The following MARCOL variants were observed in gnomAD, a reference collection of about 807,000 sequenced individuals.
MARCOL encodes the protein MARCO-like protein.
At position 148,242,506 on chromosome 5, in the gene MARCOL, C is replaced by A. The variant is rs547749326; in HGVS notation, c.110C>A (p.Ala37Glu). 1 of 398,122 alleles carries A rather than the reference C, an allele frequency of 2.5e-6. No individual in the cohort carries two copies. Among genetic ancestry groups the A allele is most frequent in the Non-Finnish European group, 4.4e-6 (1 of 225,870 alleles). 24.7% of individuals were successfully genotyped at this position (398,122 alleles called of 1,614,324 possible). A position where few individuals can be genotyped will look rare whatever the true frequency, so the allele number is the denominator to read the frequency against. The change falls in exon 2 of 2, where the codon GCA becomes GAA. Residue 37 changes from alanine (A) to glutamate (E), a missense_variant. Ala to Glu is a moderately radical substitution (Grantham distance 107, BLOSUM62 -1). Coordinates refer to ENST00000638089, the MANE Select transcript of MARCOL (RefSeq NM_001363511.2). ...VFKLEENPKP[A>E]LILEEKNEAN... ...AAACTAGAAGAGAATCCAAAACCTG[C>A]ACTTATTCTGGAGGAAAAAAATGAA...
intron 1 of MARCOL, among the ~76,000 whole-genome samples, chr5:148,242,021 T>C (rs1755971557): frequency 3.3e-5 from 5 of 152,180 alleles, no homozygotes; most frequent in Admixed American, 3.3e-4. Context: ...TTTTCCTGTC[T>C]GGAAAGTTGA....
intron 1 of MARCOL, among the ~76,000 whole-genome samples, chr5:148,241,465 A>G (rs1755964244): frequency 6.6e-6 from 1 of 151,458 alleles, no homozygotes. Flanking sequence ...AGGAAAGTGA[A>G]TAAAGAAAGA....
intron 1 of MARCOL, among the ~76,000 whole-genome samples, chr5:148,241,698 G>A (rs1755967993): frequency 6.6e-6 from 1 of 151,906 alleles, no homozygotes; most frequent in Admixed American, 6.6e-5. Flanking sequence ...TATTTCATTA[G>A]GGCATAGGTG....
intron 1 of MARCOL, among the ~76,000 whole-genome samples, chr5:148,239,861 T>C (rs1198452330): frequency 1.3e-5 from 2 of 151,852 alleles, no homozygotes; most frequent in Admixed American, 1.3e-4. Flanking sequence ...GTATTATATA[T>C]GCAATGATTA....
intron 1 of MARCOL, among the ~76,000 whole-genome samples, chr5:148,240,954 T>C (rs1281411629): frequency 2.0e-5 from 3 of 151,956 alleles, no homozygotes; most frequent in African/African-American, 7.2e-5. Flanking sequence ...TAATATAAAG[T>C]CCTACTTATT....
At chr5:148,240,458 A>G (rs146286021) in intron 1 of MARCOL, among the ~76,000 whole-genome samples, 63 of 151,712 alleles carry the variant, frequency 4.2e-4, no homozygotes, top group African/African-American at 1.4e-3. Context: ...CTTTACTTTT[A>G]CCATTTCATA....
Position 148,238,652 on chromosome 5 carries a change from A to C in MARCOL, c.49+6A>C, listed in dbSNP as rs1581152648. On this transcript the variant is annotated splice_donor_region_variant and intron_variant, in intron 1 of 1. Transcript: ENST00000638089. ...GCTCCTGGCCATGTTCTCAGGTAAG[A>C]AAGTCACAGTCAATAGCTTTCCTTC... The C allele has an allele frequency of 2.5e-6, 1 of 398,268 alleles. No individual in the cohort carries two copies. The highest frequency in any genetic ancestry group is 4.4e-6 in the Non-Finnish European group (1 of 225,438). 24.7% of individuals were successfully genotyped at this position (398,268 alleles called of 1,614,324 possible).
At position 148,243,348 on chromosome 5, in the gene MARCOL, C is replaced by G. The variant is rs576481798; in HGVS notation, c.*94C>G. On this transcript the variant is annotated 3_prime_UTR_variant, in exon 2 of 2. Transcript: ENST00000638089. ...AGGGAATCTAGGGTCATCTAGCTAT[C>G]AAGGGAAGCCAGTGTCATCTAGCCA... 6 of 397,736 alleles carry G rather than the reference C, an allele frequency of 1.5e-5. No individual in the cohort carries two copies. In the East Asian group the frequency reaches 1.8e-4, roughly 12 times the overall value. 24.6% of individuals were successfully genotyped at this position (397,736 alleles called of 1,614,324 possible). A position where few individuals can be genotyped will look rare whatever the true frequency, so the allele number is the denominator to read the frequency against.
At chr5:148,241,524 C>CA (rs71001486) in intron 1 of MARCOL, among the ~76,000 whole-genome samples, 10,460 of 126,204 alleles carry the variant, frequency 0.083, 1,391 homozygotes, top group African/African-American at 0.29. Flanking sequence ...ACACTTCTAC[C>CA]AAAAAAAAAA....
At chr5:148,241,242 G>A (rs1462014796) in intron 1 of MARCOL, among the ~76,000 whole-genome samples, 1 of 151,746 alleles carries the variant, frequency 6.6e-6, no homozygotes, top group East Asian at 1.9e-4. Context: ...ACTATCATTT[G>A]ACTTTGCTTA....
intron 1 of MARCOL, among the ~76,000 whole-genome samples, chr5:148,241,625 C>T (rs1479058012): frequency 6.6e-6 from 1 of 151,276 alleles, no homozygotes; most frequent in Non-Finnish European, 1.5e-5. Context: ...TTTTTAGATC[C>T]TGCTCATTAT....
Position 148,242,743 on chromosome 5 carries a change from C to CT in MARCOL, c.349dup (p.Ser117PhefsTer2). On this transcript the variant is annotated frameshift_variant, in exon 2 of 2. Transcript: ENST00000638089. LOFTEE classifies it low-confidence loss of function (END_TRUNC). Reference sequence around the variant, plus strand: ...TCTAACCAAAAAGGGAATCCAGAATCTTCTAATAAGCAGGAAAACTCAGGA... The same window carrying CT: ...TCTAACCAAAAAGGGAATCCAGAATCTTTCTAATAAGCAGGAAAACTCAGGA... The CT allele has an allele frequency of 2.5e-6, 1 of 398,434 alleles. No individual in the cohort carries two copies. Among genetic ancestry groups the CT allele is most frequent in the Non-Finnish European group, 4.4e-6 (1 of 225,978 alleles). 24.7% of individuals were successfully genotyped at this position (398,434 alleles called of 1,614,324 possible).
chr5:148,243,082 A>T lies in MARCOL; in HGVS notation c.686A>T (p.Glu229Val), dbSNP rs765973720. The change falls in exon 2 of 2, where the codon GAG becomes GTG. Residue 229 changes from glutamate (E) to valine (V), a missense_variant. Coordinates refer to ENST00000638089, the MANE Select transcript of MARCOL (RefSeq NM_001363511.2). ...AATCTAGGAACTTCTGGCCAACAGGAGAAGCCAGGATCTTCTAGCCAACAG... is the reference window on the plus strand; with the variant it reads ...AATCTAGGAACTTCTGGCCAACAGGTGAAGCCAGGATCTTCTAGCCAACAG... ...QGNLGTSGQQ[E>V]KPGSSSQQGK... 1.1e-4 allele frequency: 43 copies of T among 391,550 alleles called. No homozygotes were observed. The highest frequency in any genetic ancestry group is 1.8e-4 in the Non-Finnish European group (40 of 223,164). 24.3% of individuals were successfully genotyped at this position (391,550 alleles called of 1,614,324 possible). A position where few individuals can be genotyped will look rare whatever the true frequency, so the allele number is the denominator to read the frequency against.
chr5:148,240,361 A>G (rs1755950670), intron 1 of MARCOL, among the ~76,000 whole-genome samples: 1 of 151,918 alleles, frequency 6.6e-6, no homozygotes, highest in Non-Finnish European at 1.5e-5. Flanking sequence ...AATTGTGTGA[A>G]TAATTATATT....
rs1288137547 is a variant in MARCOL, at chr5:148,243,290, C to T, written c.*36C>T. 5.0e-6 allele frequency: 2 copies of T among 398,468 alleles called. No homozygotes were observed. The highest frequency in any genetic ancestry group is 8.8e-6 in the Non-Finnish European group (2 of 226,092). 24.7% of individuals were successfully genotyped at this position (398,468 alleles called of 1,614,324 possible). A position where few individuals can be genotyped will look rare whatever the true frequency, so the allele number is the denominator to read the frequency against. On this transcript the variant is annotated 3_prime_UTR_variant, in exon 2 of 2. Coordinates refer to ENST00000638089, the MANE Select transcript of MARCOL (RefSeq NM_001363511.2). ...AGCAAGGGAATATAGGATCTCCTAG[C>T]CAACAGGAGAAGCCAGAGTCTTCTA...
In MARCOL at chr5:148,243,553, C is replaced by A; in HGVS notation, c.*299C>A. 28 of 287,632 alleles carry A rather than the reference C, an allele frequency of 9.7e-5. No individual in the cohort carries two copies. Among genetic ancestry groups the A allele is most frequent in the East Asian group, 1.7e-4 (3 of 17,542 alleles). The allele number at this position is 287,632 out of a possible 1,614,324, so 17.8% of individuals were successfully genotyped here. A position where few individuals can be genotyped will look rare whatever the true frequency, so the allele number is the denominator to read the frequency against. On this transcript the variant is annotated 3_prime_UTR_variant, in exon 2 of 2. Transcript: ENST00000638089. ...TCTAGCCATCAGAGAAAATTAAGGT[C>A]ATTTTACAACCAACGACAAAGAAAA...
chr5:148,242,578 G>T lies in MARCOL; in HGVS notation c.182G>T (p.Ser61Ile). 1 of 398,334 alleles carries T rather than the reference G, an allele frequency of 2.5e-6. No individual in the cohort carries two copies. Among genetic ancestry groups the T allele is most frequent in the Non-Finnish European group, 4.4e-6 (1 of 225,898 alleles). The allele number at this position is 398,334 out of a possible 1,614,324, so 24.7% of individuals were successfully genotyped here. ...GQRDSNKQGG[S>I]YTQGNPGTFR... Reference sequence around the variant, plus strand: ...AGAGATTCTAATAAGCAAGGAGGTAGTTATACACAAGGAAATCCAGGAACG... The same window carrying T: ...AGAGATTCTAATAAGCAAGGAGGTATTTATACACAAGGAAATCCAGGAACG... Residue 61 changes from serine (S) to isoleucine (I), a missense_variant, in exon 2 of 2, where the codon AGT (serine) becomes ATT (isoleucine). Coordinates refer to ENST00000638089, the MANE Select transcript of MARCOL (RefSeq NM_001363511.2).
intron 1 of MARCOL, among the ~76,000 whole-genome samples, chr5:148,241,335 C>T (rs1581153639): frequency 6.6e-6 from 1 of 151,566 alleles, no homozygotes; most frequent in East Asian, 1.9e-4. Context: ...CCTAAGTATA[C>T]ATCTGAAATA....
chr5:148,240,306 C>T (rs1223602859), intron 1 of MARCOL, among the ~76,000 whole-genome samples: 1 of 151,806 alleles, frequency 6.6e-6, no homozygotes, highest in Admixed American at 6.6e-5. Flanking sequence ...TATTGATTGT[C>T]CTTGGAGAAA....
Sources: gnomAD v4.1 joint callset for allele counts (sites outside exome capture counted in the v4.1 genomes callset) on GRCh38, gnomAD v4.1.1 for gene constraint, MANE v1.5 for transcripts, NCBI Gene and HGNC (gene_info 2026-07-23, HGNC 2026-07-21) for gene names.